The following MEGF8 variants were observed in gnomAD, a reference collection of about 807,000 sequenced individuals.
The protein encoded by MEGF8 is multiple epidermal growth factor-like domains protein 8.
Under a neutral mutation model 302.9 loss-of-function variants are expected in MEGF8, and 156 were observed. That is an observed-to-expected ratio of 0.52 (90% CI 0.45 to 0.59). MEGF8 has a LOEUF of 0.59. Among genes scored for constraint, MEGF8 ranks in the 20% least tolerant of loss-of-function variants. MEGF8 has a pLI of 0.00. For synonymous variants in MEGF8, 1,621 were observed against 1,660.5 expected (o/e 0.98, Z 0.58); for missense variants, 3,345 against 3,964.5 (o/e 0.84, Z 4.20).
Position 42,375,651 on chromosome 19 carries a change from C to A in MEGF8, c.7414C>A (p.Pro2472Thr). 6.2e-7 allele frequency: 1 copy of A among 1,609,922 alleles called. No individual in the cohort carries two copies. Residue 2472 changes from proline (P) to threonine (T), a missense_variant, in exon 42 of 42, where the codon CCC (proline) becomes ACC (threonine). Coordinates refer to ENST00000251268, the MANE Select transcript of MEGF8 (RefSeq NM_001271938.2). The surrounding 1 kb of genome is among the most constrained non-coding windows in gnomAD (Gnocchi z 7.1). ...FHEPKRRALG[P>T]GRTVLFGVQP... ...TGAGCCCAAACGCCGGGCGCTAGGC[C>A]CCGGCCGCACTGTCCTCTTTGGCGT...
At position 42,344,281 on chromosome 19, in the gene MEGF8, C is replaced by T. The variant is rs1480917736; in HGVS notation, c.1789-160C>T. ...CCCTTTTGAGCCCGTGACCCCATCCCCGCATCCCCCGTCCTCTGGATCTCC... is the reference window on the plus strand; with the variant it reads ...CCCTTTTGAGCCCGTGACCCCATCCTCGCATCCCCCGTCCTCTGGATCTCC... On this transcript the variant is annotated intron_variant, in intron 10 of 41. Transcript: ENST00000251268. This position sits in a 1 kb window ranked among gnomAD's most constrained non-coding sequence, Gnocchi z 4.5. Among the ~76,000 whole-genome samples, 1 of 152,138 alleles carries T rather than the reference C, an allele frequency of 6.6e-6. No individual in the cohort carries two copies.
Position 42,358,904 on chromosome 19 carries a change from C to G in MEGF8, c.5293C>G (p.Leu1765Val), listed in dbSNP as rs1201933643. ...VRKKMALWAA[L>V]AGTGGFLEEI... ...GAAGAAGATGGCTCTGTGGGCTGCT[C>G]TTGCTGGTACAGGAGGTTTCCTGGA... The change falls in exon 30 of 42, where the codon CTT becomes GTT. Residue 1765 changes from leucine (L) to valine (V), a missense_variant. By Grantham distance (32) the Leu-to-Val change is conservative (BLOSUM62 1). Transcript: ENST00000251268. This position sits in a 1 kb window ranked among gnomAD's most constrained non-coding sequence, Gnocchi z 4.4. 5 of 1,611,550 alleles carry G rather than the reference C, an allele frequency of 3.1e-6. No individual in the cohort carries two copies. Among genetic ancestry groups the G allele is most frequent in the South Asian group, 1.1e-5 (1 of 90,348 alleles).
chr19:42,359,853 ATTTT>A (rs891961465), intron 31 of MEGF8, among the ~76,000 whole-genome samples: 1 of 125,420 alleles, frequency 8.0e-6, no homozygotes, highest in African/African-American at 3.2e-5. Flanking sequence ...CGCCTGGATA[ATTTT>A]TTTTTTTTTT....
Position 42,370,743 on chromosome 19 carries a change from G to A in MEGF8, c.7048G>A (p.Val2350Met), listed in dbSNP as rs73033442. Residue 2350 changes from valine to methionine, a missense_variant, in exon 40 of 42, where the codon GTG becomes ATG. Coordinates refer to ENST00000251268, the MANE Select transcript of MEGF8 (RefSeq NM_001271938.2). ...AGAGGGTCCTAGTGAAGACGAGGCC[G>A]TGTGCGTGAACTGCCAGAATAACAG... ...VTEGPSEDEA[V>M]CVNCQNNSYG... The A allele has an allele frequency of 8.5e-4, 1,353 of 1,585,562 alleles. No homozygotes were observed. The highest frequency in any genetic ancestry group is 1.1e-3 in the Non-Finnish European group (1,259 of 1,165,982).
In MEGF8 at chr19:42,351,779, G is replaced by A; in HGVS notation, c.3101+18G>A. 2 of 1,551,836 alleles carry A rather than the reference G, an allele frequency of 1.3e-6. No individual in the cohort carries two copies. Among genetic ancestry groups the A allele is most frequent in the Non-Finnish European group, 1.7e-6 (2 of 1,145,936 alleles). On this transcript the variant is annotated intron_variant, in intron 18 of 41. Transcript: ENST00000251268. This position sits in a 1 kb window ranked among gnomAD's most constrained non-coding sequence, Gnocchi z 5.6. Reference sequence around the variant, plus strand: ...CTGGGACGGTGAGCCCGGGCAGGTGGGTGGGCAGGGTGCCCGGCTGTGTCC... The same window carrying A: ...CTGGGACGGTGAGCCCGGGCAGGTGAGTGGGCAGGGTGCCCGGCTGTGTCC...
At chr19:42,327,492 T>A (rs1422110676) in intron 1 of MEGF8, among the ~76,000 whole-genome samples, 1 of 152,138 alleles carries the variant, frequency 6.6e-6, no homozygotes, top group Non-Finnish European at 1.5e-5. Flanking sequence ...AAAGGACCAA[T>A]AGGAATCTGT....
At chr19:42,330,191 G>A (rs1005594705) in intron 1 of MEGF8, among the ~76,000 whole-genome samples, 13 of 152,122 alleles carry the variant, frequency 8.5e-5, no homozygotes, top group African/African-American at 2.4e-4. Flanking sequence ...GATCTGCCCT[G>A]GGATTACAGA....
chr19:42,351,901 T>C lies in MEGF8; in HGVS notation c.3101+140T>C. 2.6e-6 allele frequency: 2 copies of C among 774,934 alleles called. No individual in the cohort carries two copies. Among genetic ancestry groups the C allele is most frequent in the Non-Finnish European group, 4.1e-6 (2 of 482,282 alleles). 48.0% of individuals were successfully genotyped at this position (774,934 alleles called of 1,614,324 possible). On this transcript the variant is annotated intron_variant, in intron 18 of 41. Coordinates refer to ENST00000251268, the MANE Select transcript of MEGF8 (RefSeq NM_001271938.2). The surrounding 1 kb of genome is among the most constrained non-coding windows in gnomAD (Gnocchi z 5.6). ...CCTTTTCCGTACTGTTTTTCTGTTG[T>C]TTATTTTACCCTCCCGCTCTTTTTT...
At position 42,360,924 on chromosome 19, in the gene MEGF8, C is replaced by T; in HGVS notation, c.5638C>T (p.Leu1880=). The T allele has an allele frequency of 6.2e-7, 1 of 1,611,044 alleles. No individual in the cohort carries two copies. Among genetic ancestry groups the T allele is most frequent in the Non-Finnish European group, 8.5e-7 (1 of 1,178,306 alleles). Residue 1880 remains leucine, a synonymous_variant, in exon 32 of 42, where the codon CTG becomes TTG. Transcript: ENST00000251268. ...LTLPPDPCRL[L]SSPEACNQSG... ...CCTGCCCCCTGACCCCTGCCGCCTG[C>T]TGTCCTCACCTGAAGCTTGTAACCA...
At position 42,326,255 on chromosome 19, in the gene MEGF8, C is replaced by T; in HGVS notation, c.12C>T (p.Gly4=). 6.5e-7 allele frequency: 1 copy of T among 1,537,950 alleles called. No individual in the cohort carries two copies. Among genetic ancestry groups the T allele is most frequent in the Non-Finnish European group, 8.7e-7 (1 of 1,151,980 alleles). Residue 4 remains glycine, a synonymous_variant, in exon 1 of 42, where the codon GGC becomes GGT. Transcript: ENST00000251268. ...TGCAGGAGGCGGCGATGGCCCTGGG[C>T]AAGGTTCTGGCCATGGCACTGGTTT... MAL[G]KVLAMALVLA...
chr19:42,366,401 A>G (rs2039607006), intron 35 of MEGF8, among the ~76,000 whole-genome samples: 1 of 152,062 alleles, frequency 6.6e-6, no homozygotes, highest in South Asian at 2.1e-4. Context: ...GGGTGTCACC[A>G]TATTGGCCAG....
rs1317861934 is a variant in MEGF8 at position 42,363,246 on chromosome 19, G to T, written c.6257G>T (p.Ser2086Ile). 1.3e-6 allele frequency: 2 copies of T among 1,594,436 alleles called. No homozygotes were observed. The highest frequency in any genetic ancestry group is 1.7e-6 in the Non-Finnish European group (2 of 1,170,718). ...GGGGGCTGGCAGCACTGTGTTTGGA[G>T]CAGCAGCCTGCAGCAGGTACTGCAC... ...ADGGWQHCVWSSSLQQCLSPS... is the reference protein window; with the variant it reads ...ADGGWQHCVWISSLQQCLSPS... Residue 2086 changes from serine to isoleucine, a missense_variant, in exon 35 of 42, where the codon AGC becomes ATC. By Grantham distance (142) the Ser-to-Ile change is moderately radical. Coordinates refer to ENST00000251268, the MANE Select transcript of MEGF8 (RefSeq NM_001271938.2).
chr19:42,360,101 C>T (rs1333039321), intron 31 of MEGF8, among the ~76,000 whole-genome samples: 2 of 148,742 alleles, frequency 1.3e-5, no homozygotes, highest in Admixed American at 6.8e-5. Flanking sequence ...AATTAACCAT[C>T]TTAAAAATAC....
At chr19:42,343,748 C>G in intron 9 of MEGF8, 117 bp downstream of exon 9, 1 of 1,398,778 alleles carries the variant, frequency 7.1e-7, no homozygotes, top group Non-Finnish European at 9.5e-7. Flanking sequence ...TCCCTAGGAC[C>G]ATGAGAGAAG....
rs1450062353 is a variant in MEGF8 at position 42,356,377 on chromosome 19, G to A, written c.4546G>A (p.Val1516Met). ...RFLHRLGHTM[V>M]DGPDATLWMF... is the part of the protein sequence containing the mutation. ...CCTGCACCGCCTGGGCCACACCATGGTGGATGGACCCGATGCCACCTTGTG... is the reference window on the plus strand; with the variant it reads ...CCTGCACCGCCTGGGCCACACCATGATGGATGGACCCGATGCCACCTTGTG... Residue 1516 changes from valine to methionine, a missense_variant, in exon 26 of 42, where the codon GTG (valine) becomes ATG (methionine). By Grantham distance (21) the Val-to-Met change is conservative (BLOSUM62 1). Transcript: ENST00000251268. This position sits in a 1 kb window ranked among gnomAD's most constrained non-coding sequence, Gnocchi z 5.2. 7 of 1,613,196 alleles carry A rather than the reference G, an allele frequency of 4.3e-6. No individual in the cohort carries two copies. The highest frequency in any genetic ancestry group is 5.1e-6 in the Non-Finnish European group (6 of 1,179,650).
At position 42,369,563 on chromosome 19, in the gene MEGF8, A is replaced by G. The variant is rs2039656229; in HGVS notation, c.6674A>G (p.Gln2225Arg). 5.6e-6 allele frequency: 9 copies of G among 1,611,120 alleles called. No individual in the cohort carries two copies. The highest frequency in any genetic ancestry group is 6.8e-6 in the Non-Finnish European group (8 of 1,179,712). ...MTGLCRPVCAQGCVNGSCVEP... is the reference protein window; with the variant it reads ...MTGLCRPVCARGCVNGSCVEP... ...GGGCTGTGCCGCCCTGTGTGCGCCC[A>G]GGGCTGCGTGAACGGCTCATGTGTG... is the stretch of plus-strand genomic sequence containing the variant. Residue 2225 changes from glutamine to arginine, a missense_variant, in exon 38 of 42, where the codon CAG becomes CGG. Physicochemically the swap from Gln to Arg is conservative, Grantham distance 43. Coordinates refer to ENST00000251268, the MANE Select transcript of MEGF8 (RefSeq NM_001271938.2). The surrounding 1 kb of genome is among the most constrained non-coding windows in gnomAD (Gnocchi z 5.7).
At position 42,356,074 on chromosome 19, in the gene MEGF8, A is replaced by C. The variant is rs767058906; in HGVS notation, c.4393-9A>C. ...TCAGGGCTCCCCTGAGTCCCTTGTC[A>C]TCCCCCAGAGCCTGGGTGTGTGCAT... On this transcript the variant is annotated splice_polypyrimidine_tract_variant and intron_variant, in intron 24 of 41. Transcript: ENST00000251268. The surrounding 1 kb of genome is among the most constrained non-coding windows in gnomAD (Gnocchi z 5.2). 1 of 1,588,230 alleles carries C rather than the reference A, an allele frequency of 6.3e-7. No homozygotes were observed. The highest frequency in any genetic ancestry group is 1.1e-5 in the South Asian group (1 of 87,634).
chr19:42,328,741 GC>G (rs2039018225), intron 1 of MEGF8, among the ~76,000 whole-genome samples: 1 of 152,100 alleles, frequency 6.6e-6, no homozygotes, highest in African/African-American at 2.4e-5. Flanking sequence ...TTAGAGACCA[GC>G]CTGGCCGACA....
chr19:42,344,656 C>T lies in MEGF8; in HGVS notation c.1934-14C>T, dbSNP rs1302256114. ...CCACACTGACCCACCGGCCCCCACC[C>T]CCTGTCTTCTCAGAGCAGGCCCGCT... On this transcript the variant is annotated splice_polypyrimidine_tract_variant and intron_variant, in intron 11 of 41. Transcript: ENST00000251268. This position sits in a 1 kb window ranked among gnomAD's most constrained non-coding sequence, Gnocchi z 4.5. 2 of 1,563,924 alleles carry T rather than the reference C, an allele frequency of 1.3e-6. No individual in the cohort carries two copies. Among genetic ancestry groups the T allele is most frequent in the Non-Finnish European group, 8.7e-7 (1 of 1,151,226 alleles).
Sources: gnomAD v4.1 joint callset for allele counts (sites outside exome capture counted in the v4.1 genomes callset) on GRCh38, gnomAD v4.1.1 for gene constraint, Gnocchi (gnomAD v3.1) non-coding constraint, MANE v1.5 for transcripts, NCBI Gene and HGNC (gene_info 2026-07-23, HGNC 2026-07-21) for gene names.